APAF1: variants seen among roughly 807,000 people sequenced by gnomAD.
APAF1 encodes apoptotic protease-activating factor 1.
A neutral mutation model predicts 152.4 loss-of-function variants in APAF1; 91 were observed. That is an observed-to-expected ratio of 0.60 (90% confidence interval 0.50 to 0.71). APAF1 has a LOEUF of 0.71. Ranked by LOEUF, APAF1 falls within the 30% of genes least tolerant of loss-of-function variation. The pLI is 0.00. For missense variants in APAF1, 1,283 were observed against 1,472.0 expected (o/e 0.87, Z 2.10); for synonymous variants, 484 against 494.1 (o/e 0.98, Z 0.27).
intron 4 of APAF1, among the ~76,000 whole-genome samples, chr12:98,654,842 T>C (rs1385325661): frequency 6.9e-6 from 1 of 145,948 alleles, no homozygotes; most frequent in African/African-American, 2.5e-5. Flanking sequence ...TTTTAATTTA[T>C]TTTTTTATTG....
chr12:98,648,471 T>A lies in APAF1; in HGVS notation c.112T>A (p.Ser38Thr), dbSNP rs1270717462. The change falls in exon 2 of 27, where the codon TCA becomes ACA. Residue 38 changes from serine (S) to threonine (T), a missense_variant. Physicochemically the swap from Ser to Thr is moderately conservative, Grantham distance 58. Transcript: ENST00000551964. ...GATTAGTGATGGATTTTTAACAATATCAGAAGAGGAAAAAGTAAGAAATGA... is the reference window on the plus strand; with the variant it reads ...GATTAGTGATGGATTTTTAACAATAACAGAAGAGGAAAAAGTAAGAAATGA... ...HMISDGFLTI[S>T]EEEKVRNEPT... 1.2e-6 allele frequency: 2 copies of A among 1,613,878 alleles called. No individual in the cohort carries two copies. The highest frequency in any genetic ancestry group is 2.2e-5 in the South Asian group (2 of 91,070).
chr12:98,723,710 C>T lies in APAF1; in HGVS notation c.3276C>T (p.Asp1092=). ...VCHQGTVLSC[D]ISHDATKFSS... is the part of the protein sequence containing the mutation. ...ACCAGGGTACAGTACTTTCTTGTGA[C>T]ATTTCTCACGATGCTACCAAGTTTT... The change falls in exon 24 of 27, where the codon GAC becomes GAT. Residue 1092 remains aspartate (D), a synonymous_variant. Transcript: ENST00000551964. 6.2e-7 allele frequency: 1 copy of T among 1,612,736 alleles called. No homozygotes were observed. The highest frequency in any genetic ancestry group is 1.7e-4 in the Middle Eastern group (1 of 6,056).
chr12:98,711,566 A>G (rs1565888713), intron 20 of APAF1, among the ~76,000 whole-genome samples: 1 of 152,346 alleles, frequency 6.6e-6, no homozygotes, highest in East Asian at 1.9e-4. Flanking sequence ...CTAGAAACAA[A>G]GATGCCTGCC....
intron 4 of APAF1, among the ~76,000 whole-genome samples, chr12:98,655,983 C>T (rs1203639791): frequency 2.0e-5 from 3 of 152,070 alleles, no homozygotes; most frequent in African/African-American, 7.2e-5. Context: ...CGGGGTTTCA[C>T]CGTGTTAGCC....
intron 7 of APAF1, among the ~76,000 whole-genome samples, chr12:98,664,510 A>G (rs182000402): frequency 6.6e-6 from 1 of 151,876 alleles, no homozygotes; most frequent in East Asian, 1.9e-4. Flanking sequence ...TAAAAAGTTG[A>G]GATTATGTAT....
chr12:98,712,042 A>G (rs961093373), intron 20 of APAF1, among the ~76,000 whole-genome samples: 2 of 152,198 alleles, frequency 1.3e-5, no homozygotes, highest in Admixed American at 6.5e-5. Context: ...AATCAGATAG[A>G]TGTGTCTCAG....
intron 22 of APAF1, among the ~76,000 whole-genome samples, chr12:98,716,885 A>G (rs1341046242): frequency 4.0e-5 from 6 of 150,470 alleles, no homozygotes; most frequent in Non-Finnish European, 7.4e-5. Flanking sequence ...TTTTTTTTTG[A>G]GATGGAGTCT....
At chr12:98,723,605 G>A (rs754703778) in intron 23 of APAF1, 34 bp from the exon 24 acceptor site, 8 of 1,528,594 alleles carry the variant, frequency 5.2e-6, no homozygotes, top group South Asian at 1.2e-5. Context: ...TCTTAAAAGT[G>A]TCAACCTCCA....
intron 16 of APAF1, among the ~76,000 whole-genome samples, chr12:98,688,740 G>A (rs762046476): frequency 6.6e-5 from 10 of 150,730 alleles, no homozygotes; most frequent in African/African-American, 4.9e-5. Context: ...GATTATAGGC[G>A]TGAGCCACCA....
intron 13 of APAF1, 21 bp from the exon 14 acceptor site, chr12:98,680,256 A>G (rs759621299): frequency 4.8e-5 from 75 of 1,553,748 alleles, no homozygotes; most frequent in Non-Finnish European, 4.3e-5. Flanking sequence ...TATAAAAAAT[A>G]TTTTATTGTT....
rs1351451302 is a variant in APAF1 at position 98,715,416 on chromosome 12, C to T, written c.2959-11C>T. On this transcript the variant is annotated splice_polypyrimidine_tract_variant and intron_variant, in intron 21 of 26. Transcript: ENST00000551964. Reference sequence around the variant, plus strand: ...TTTCTTCTTAATTTTCTGTGTTTTTCTGCTTTGAAGATTTTAGAACTTGTA... The same window carrying T: ...TTTCTTCTTAATTTTCTGTGTTTTTTTGCTTTGAAGATTTTAGAACTTGTA... 6.2e-7 allele frequency: 1 copy of T among 1,612,294 alleles called. No homozygotes were observed. Among genetic ancestry groups the T allele is most frequent in the Admixed American group, 1.7e-5 (1 of 59,910 alleles).
intron 1 of APAF1, among the ~76,000 whole-genome samples, chr12:98,647,633 G>C (rs559596881): frequency 1.3e-4 from 20 of 151,144 alleles, no homozygotes; most frequent in South Asian, 2.1e-4. Context: ...GCCTCCCAAA[G>C]TGCTGGGATT....
intron 15 of APAF1, 141 bp from the exon 16 acceptor site, chr12:98,686,607 A>C (rs1451188071): frequency 1.3e-6 from 1 of 797,868 alleles, no homozygotes; most frequent in Non-Finnish European, 1.9e-6. Flanking sequence ...TTTGTGTTTG[A>C]TACGTTTGTG....
chr12:98,695,362 C>CTT lies in APAF1; in HGVS notation c.2305-4035_2305-4034dup, dbSNP rs1555219354. Among the ~76,000 whole-genome samples the CTT allele has an allele frequency of 1.5e-3, 211 of 141,854 alleles. 2 individuals carry two copies. The highest frequency in any genetic ancestry group is 4.8e-3 in the African/African-American group (187 of 39,272). 93.1% of individuals were successfully genotyped at this position (141,854 alleles called of 152,430 possible). On this transcript the variant is annotated intron_variant, in intron 16 of 26. Transcript: ENST00000551964. Reference sequence around the variant, plus strand: ...CACTGCGCCCAATGCCGCCCCCCCCCTTTTTTTTTTTTGAGACAGGGTCTC... The same window carrying CTT: ...CACTGCGCCCAATGCCGCCCCCCCCCTTTTTTTTTTTTTTGAGACAGGGTCTC...
At chr12:98,699,311 G>A (rs2097712811) in intron 16 of APAF1, 97 bp from the exon 17 acceptor site, 4 of 1,191,836 alleles carry the variant, frequency 3.4e-6, no homozygotes, top group Admixed American at 2.1e-5. Context: ...ATCAAGTGAA[G>A]TGAATAAGTT....
In APAF1 at chr12:98,649,629, C is replaced by G. The variant is rs750363951; in HGVS notation, c.471C>G (p.Gly157=). The G allele has an allele frequency of 6.2e-7, 1 of 1,614,122 alleles. No individual in the cohort carries two copies. Among genetic ancestry groups the G allele is most frequent in the Non-Finnish European group, 8.5e-7 (1 of 1,180,016 alleles). The change falls in exon 4 of 27, where the codon GGC becomes GGG. Residue 157 remains glycine (G), a synonymous_variant. Coordinates refer to ENST00000551964, the MANE Select transcript of APAF1 (RefSeq NM_181861.2). ...PGWVTIHGMA[G]CGKSVLAAEA... is the part of the protein sequence containing the mutation. ...GGGTCACCATACATGGAATGGCAGG[C>G]TGTGGGAAGTCTGTATTAGCTGCAG...
intron 19 of APAF1, among the ~76,000 whole-genome samples, chr12:98,707,711 T>TATATAC (rs200051674): frequency 1.2e-4 from 18 of 149,996 alleles, no homozygotes; most frequent in African/African-American, 3.2e-4. Context: ...TATATATATA[T>TATATAC]ACATATAAAT....
intron 26 of APAF1, among the ~76,000 whole-genome samples, chr12:98,730,993 G>T (rs1349288147): frequency 1.3e-5 from 2 of 152,174 alleles, no homozygotes; most frequent in Non-Finnish European, 2.9e-5. Context: ...CTGAAGTATG[G>T]AATACATGGT....
rs375291730 is a variant in APAF1 at position 98,719,808 on chromosome 12, G to C, written c.3085-3385G>C. On this transcript the variant is annotated intron_variant, in intron 22 of 26. Transcript: ENST00000551964. ...TTTTAGTAGGGCTTTAGAAGTGAAG[G>C]ATAGAATGCATATGTTCAGTGGAAA... Among the ~76,000 whole-genome samples, 92 of 152,144 alleles carry C rather than the reference G, an allele frequency of 6.0e-4. 1 individual carries two copies. Among genetic ancestry groups the C allele is most frequent in the African/African-American group, 1.7e-3 (71 of 41,494 alleles).
Sources: gnomAD v4.1 joint callset for allele counts (sites outside exome capture counted in the v4.1 genomes callset) on GRCh38, gnomAD v4.1.1 for gene constraint, MANE v1.5 for transcripts, NCBI Gene and HGNC (gene_info 2026-07-23, HGNC 2026-07-21) for gene names.